KATNB1: variants seen among roughly 807,000 people sequenced by gnomAD.
KATNB1 encodes the protein katanin regulatory subunit B1.
A neutral mutation model predicts 82.3 loss-of-function variants in KATNB1; 38 were observed. The observed-to-expected ratio is 0.46, with a 90% CI of 0.36 to 0.61. The LOEUF (loss-of-function observed/expected upper bound fraction) is 0.61. Ranked by LOEUF, KATNB1 falls within the 20% of genes least tolerant of loss-of-function variation. The pLI is 0.00. For synonymous variants in KATNB1, 361 were observed against 368.7 expected, an observed-to-expected ratio of 0.98 and a Z score of 0.24; for missense variants, 749 against 915.7, an observed-to-expected ratio of 0.82 and a Z score of 2.35.
At chr16:57,739,700 G>C (rs1362676467) in intron 2 of KATNB1, among the ~76,000 whole-genome samples, 3 of 152,144 alleles carry the variant, frequency 2.0e-5, no homozygotes, top group African/African-American at 4.8e-5. Context: ...GCTTAGAGGG[G>C]AGTGATGTGG....
chr16:57,745,288 C>T (rs1032644204), intron 4 of KATNB1, among the ~76,000 whole-genome samples: 25 of 151,150 alleles, frequency 1.7e-4, no homozygotes, highest in Non-Finnish European at 2.8e-4. Context: ...CCAAGGCAGG[C>T]GGATCACCTG....
At chr16:57,745,563 CAAA>C (rs11449099) in intron 4 of KATNB1, among the ~76,000 whole-genome samples, 1 of 135,300 alleles carries the variant, frequency 7.4e-6, no homozygotes, top group Non-Finnish European at 1.6e-5. Context: ...AACTCCATCT[CAAA>C]AAAAAAAAAA....
chr16:57,752,498 G>C, intron 8 of KATNB1, 32 bp from the exon 9 acceptor site: 1 of 1,549,450 alleles, frequency 6.5e-7, no homozygotes, highest in African/African-American at 1.4e-5. Context: ...ATGAGGGATA[G>C]GCTTCGCAGC....
chr16:57,744,313 T>A, intron 3 of KATNB1, 81 bp from the exon 4 acceptor site: 1 of 1,265,002 alleles, frequency 7.9e-7, no homozygotes, highest in Non-Finnish European at 1.1e-6. Context: ...TGCTGAAGCC[T>A]TTCCGGGGGA....
intron 4 of KATNB1, among the ~76,000 whole-genome samples, chr16:57,748,264 C>A (rs2049197577): frequency 6.6e-6 from 1 of 152,006 alleles, no homozygotes; most frequent in Middle Eastern, 3.2e-3. Context: ...CCCTCCACAC[C>A]CCCTCGCCAG....
chr16:57,746,537 G>A (rs1597826331), intron 4 of KATNB1, among the ~76,000 whole-genome samples: 1 of 152,314 alleles, frequency 6.6e-6, no homozygotes, highest in East Asian at 1.9e-4. Flanking sequence ...GGAGAGTCTC[G>A]CCCACTGCTC....
At chr16:57,737,304 T>G in intron 2 of KATNB1, 21 bp downstream of exon 2, 1 of 1,613,986 alleles carries the variant, frequency 6.2e-7, no homozygotes. Context: ...TTCATTTTTC[T>G]TTATCACCCC....
Position 57,753,263 on chromosome 16 carries a change from C to T in KATNB1, c.1042C>T (p.Gln348Ter). 1 of 1,596,768 alleles carries T rather than the reference C, an allele frequency of 6.3e-7. No homozygotes were observed. The highest frequency in any genetic ancestry group is 8.5e-7 in the Non-Finnish European group (1 of 1,169,852). The change falls in exon 11 of 20, where the codon CAG becomes TAG. Residue 348 changes from glutamine to a stop codon, truncating the protein, a stop_gained. Coordinates refer to ENST00000379661, the MANE Select transcript of KATNB1 (RefSeq NM_005886.3). LOFTEE classifies it high-confidence loss of function. Reference protein sequence around the residue: ...ERPSTTCSKPQRVKQNSESER... With the variant: ...ERPSTTCSKP The stretch of plus-strand genomic sequence containing the variant: ...GCCCAGCACAACCTGCAGCAAGCCT[C>T]AGAGGTGAGGGCCTGGGGGGCCTTC...
chr16:57,751,445 A>T lies in KATNB1; in HGVS notation c.432+143A>T. The T allele has an allele frequency of 9.8e-7, 1 of 1,024,324 alleles. No homozygotes were observed. Among genetic ancestry groups the T allele is most frequent in the Admixed American group, 1.9e-5 (1 of 52,892 alleles). 63.5% of individuals were successfully genotyped at this position (1,024,324 alleles called of 1,614,324 possible). A position where few individuals can be genotyped will look rare whatever the true frequency, so the allele number is the denominator to read the frequency against. On this transcript the variant is annotated intron_variant, in intron 6 of 19. Transcript: ENST00000379661. The surrounding 1 kb of genome is among the most constrained non-coding windows in gnomAD (Gnocchi z 6.3). ...AAACATAGACCTGGAGCTGAGCAGGAGCGCCATGGGCGGCCCACCTGGATC... is the reference window on the plus strand; with the variant it reads ...AAACATAGACCTGGAGCTGAGCAGGTGCGCCATGGGCGGCCCACCTGGATC...
At chr16:57,740,551 CG>C (rs2049134231) in intron 2 of KATNB1, among the ~76,000 whole-genome samples, 1 of 152,218 alleles carries the variant, frequency 6.6e-6, no homozygotes, top group South Asian at 2.1e-4. Flanking sequence ...CCGGGTGCCT[CG>C]GGGCGTCAGC....
At position 57,753,898 on chromosome 16, in the gene KATNB1, TGGCCTGGCCAGGAGCGCTCACAGCCAGG is replaced by T. The variant is rs781832589; in HGVS notation, c.1178-41_1178-14del. The T allele has an allele frequency of 1.8e-5, 28 of 1,596,860 alleles. No individual in the cohort carries two copies. The highest frequency in any genetic ancestry group is 1.5e-5 in the Non-Finnish European group (18 of 1,166,436). On this transcript the variant is annotated intron_variant, in intron 12 of 19. Coordinates refer to ENST00000379661, the MANE Select transcript of KATNB1 (RefSeq NM_005886.3). Reference sequence around the variant, plus strand: ...TCTGGACAGGGCCCTGGGTCCCAGGTGGCCTGGCCAGGAGCGCTCACAGCCAGGGGCCTCTTTCCTCTGCAGGTCGGAC... The same window carrying T: ...TCTGGACAGGGCCCTGGGTCCCAGGTGGCCTCTTTCCTCTGCAGGTCGGAC...
At position 57,756,996 on chromosome 16, in the gene KATNB1, C is replaced by T. The variant is rs1296516371; in HGVS notation, c.*50C>T. On this transcript the variant is annotated 3_prime_UTR_variant, in exon 20 of 20. Coordinates refer to ENST00000379661, the MANE Select transcript of KATNB1 (RefSeq NM_005886.3). ...GGCAGCCCACAGGGCCTGGCCTCAG[C>T]CCCCACTCCTGTTCCTTGTGCACCC... The T allele has an allele frequency of 5.5e-6, 8 of 1,456,154 alleles. No homozygotes were observed. In the African/African-American group the frequency reaches 8.5e-5, roughly 16 times the overall value. 90.2% of individuals were successfully genotyped at this position (1,456,154 alleles called of 1,614,324 possible).
intron 8 of KATNB1, 74 bp from the exon 9 acceptor site, chr16:57,752,456 A>C: frequency 7.4e-7 from 1 of 1,355,468 alleles, no homozygotes; most frequent in South Asian, 1.3e-5. Context: ...TCTAGAGAAA[A>C]GCTGGCTTCC....
Position 57,736,998 on chromosome 16 carries a change from G to A in KATNB1, c.-246G>A. ...TGCAGCCCTGTATTGAGCTGAGATGGCTCGAGCCTAACATTCCATGATCCA... is the reference window on the plus strand; with the variant it reads ...TGCAGCCCTGTATTGAGCTGAGATGACTCGAGCCTAACATTCCATGATCCA... On this transcript the variant is annotated 5_prime_UTR_variant, in exon 2 of 20. Coordinates refer to ENST00000379661, the MANE Select transcript of KATNB1 (RefSeq NM_005886.3). The A allele has an allele frequency of 2.9e-6, 2 of 695,334 alleles. No homozygotes were observed. Among genetic ancestry groups the A allele is most frequent in the South Asian group, 3.0e-5 (2 of 66,704 alleles). 43.1% of individuals were successfully genotyped at this position (695,334 alleles called of 1,614,324 possible).
intron 16 of KATNB1, 61 bp downstream of exon 16, chr16:57,755,555 C>T: frequency 6.3e-7 from 1 of 1,579,426 alleles, no homozygotes; most frequent in Non-Finnish European, 8.6e-7. Context: ...ACCTGCCTGC[C>T]CGGGCTTGGG....
In KATNB1 at chr16:57,752,905, C is replaced by T; in HGVS notation, c.832C>T (p.Leu278=). The change falls in exon 10 of 20, where the codon CTG becomes TTG. Residue 278 remains leucine, a synonymous_variant. Transcript: ENST00000379661. The stretch of plus-strand genomic sequence containing the variant: ...CGTCAACTGGGGCAAGGTGGCCGAC[C>T]TGGCCATCTGCAATGACCAGTTGGT... The part of the protein sequence containing the change: ...VLVNWGKVAD[L]AICNDQLIGV... 1 of 1,605,144 alleles carries T rather than the reference C, an allele frequency of 6.2e-7. No homozygotes were observed. The highest frequency in any genetic ancestry group is 8.5e-7 in the Non-Finnish European group (1 of 1,179,804).
chr16:57,747,015 G>C (rs1329507963), intron 4 of KATNB1, among the ~76,000 whole-genome samples: 1 of 152,158 alleles, frequency 6.6e-6, no homozygotes, highest in African/African-American at 2.4e-5. Context: ...CTGAGTAGCT[G>C]AGACTACAGG....
rs2049248567 is a variant in KATNB1, at chr16:57,753,470, C to T, written c.1128C>T (p.Ile376=). The change falls in exon 12 of 20, where the codon ATC becomes ATT. Residue 376 remains isoleucine, a synonymous_variant. Coordinates refer to ENST00000379661, the MANE Select transcript of KATNB1 (RefSeq NM_005886.3). ...ACGAGCGCGAGTCCCGCGCGGAGAT[C>T]CAGAACGCCGAGGACTACAACGAGA... ...DRDERESRAE[I]QNAEDYNEIF... The T allele has an allele frequency of 6.2e-7, 1 of 1,613,242 alleles. No individual in the cohort carries two copies. The highest frequency in any genetic ancestry group is 2.2e-5 in the East Asian group (1 of 44,864).
intron 10 of KATNB1, 24 bp downstream of exon 10, chr16:57,752,952 G>A (rs1567901881): frequency 1.4e-5 from 22 of 1,598,036 alleles, no homozygotes; most frequent in South Asian, 3.3e-5. Context: ...GGCACCCACC[G>A]CCCCCCACTC....
Sources: gnomAD v4.1 joint callset for allele counts (sites outside exome capture counted in the v4.1 genomes callset) on GRCh38, gnomAD v4.1.1 for gene constraint, Gnocchi (gnomAD v3.1) non-coding constraint, MANE v1.5 for transcripts, NCBI Gene and HGNC (gene_info 2026-07-23, HGNC 2026-07-21) for gene names.